The following PDE7B variants were observed in gnomAD, a reference collection of about 807,000 sequenced individuals.
PDE7B encodes the protein 3',5'-cyclic-AMP phosphodiesterase 7B.
A neutral mutation model predicts 56.2 loss-of-function variants in PDE7B; 29 were observed. The ratio of observed to expected loss-of-function variants is 0.52; its 90% CI spans 0.38 to 0.70. The LOEUF is 0.70. PDE7B is among the 30% of genes least tolerant of loss of function. The pLI, the probability that PDE7B is intolerant of heterozygous loss-of-function variation, is 0.00. For synonymous variants in PDE7B, 197 were observed against 196.9 expected (o/e 1.00, Z 0.00); for missense variants, 490 against 565.0 (o/e 0.87, Z 1.35).
intron 1 of PDE7B, among the ~76,000 whole-genome samples, chr6:135,857,923 A>G (rs1007208639): frequency 1.3e-5 from 2 of 152,244 alleles, no homozygotes; most frequent in East Asian, 3.9e-4. Context: ...CTTAACAAAC[A>G]ATGCCTTGGA....
chr6:136,075,654 T>C (rs2128214517), intron 2 of PDE7B, among the ~76,000 whole-genome samples: 1 of 152,240 alleles, frequency 6.6e-6, no homozygotes, highest in East Asian at 1.9e-4. Flanking sequence ...TACTGTTTCA[T>C]GGCCATCTCT....
At chr6:136,058,622 T>C (rs1465145163) in intron 2 of PDE7B, among the ~76,000 whole-genome samples, 1 of 152,224 alleles carries the variant, frequency 6.6e-6, no homozygotes, top group Admixed American at 6.5e-5. Context: ...TTTTAAGCAA[T>C]GGTAGATTCA....
At position 136,168,307 on chromosome 6, in the gene PDE7B, C is replaced by T. The variant is rs541049556; in HGVS notation, c.712-5490C>T. Among the ~76,000 whole-genome samples, 17 of 152,186 alleles carry T rather than the reference C, an allele frequency of 1.1e-4. No individual in the cohort carries two copies. In the South Asian group the frequency reaches 2.3e-3, roughly 20 times the overall value. ...TGGGACAATTTCATAAAGCATTGAA[C>T]GTCAAGCTAAGGAATTTGACTTAAT... On this transcript the variant is annotated intron_variant, in intron 8 of 12. Coordinates refer to ENST00000308191, the MANE Select transcript of PDE7B (RefSeq NM_018945.4).
At chr6:136,146,882 T>C (rs1583907562) in intron 3 of PDE7B, among the ~76,000 whole-genome samples, 1 of 152,270 alleles carries the variant, frequency 6.6e-6, no homozygotes, top group Non-Finnish European at 1.5e-5. Context: ...ATATAAGAAA[T>C]ACTAGTTAGG....
intron 2 of PDE7B, among the ~76,000 whole-genome samples, chr6:136,041,206 T>G (rs1227478712): frequency 2.6e-5 from 4 of 152,210 alleles, no homozygotes; most frequent in Non-Finnish European, 4.4e-5. Flanking sequence ...GTCCCAGTGT[T>G]TCTTTTCCTT....
intron 3 of PDE7B, among the ~76,000 whole-genome samples, chr6:136,145,834 C>G (rs1247775762): frequency 1.3e-5 from 2 of 152,132 alleles, no homozygotes; most frequent in African/African-American, 4.8e-5. Context: ...CTTTTCTCAT[C>G]TGTATCTATA....
intron 1 of PDE7B, among the ~76,000 whole-genome samples, chr6:135,871,772 TACAC>T (rs10576996): frequency 0.014 from 2,163 of 150,422 alleles, 25 homozygotes; most frequent in East Asian, 0.019. Context: ...GATAGGTGTA[TACAC>T]ACACACACAC....
At chr6:136,103,671 T>C (rs1260024641) in intron 2 of PDE7B, among the ~76,000 whole-genome samples, 2 of 152,212 alleles carry the variant, frequency 1.3e-5, no homozygotes, top group Non-Finnish European at 2.9e-5. Flanking sequence ...ATACCAGCAC[T>C]ATCTCATCTT....
chr6:135,890,702 T>C (rs1373819271), intron 1 of PDE7B, among the ~76,000 whole-genome samples: 1 of 152,158 alleles, frequency 6.6e-6, no homozygotes, highest in Non-Finnish European at 1.5e-5. Flanking sequence ...ACCTATTTTG[T>C]TGATGCAAGG....
At chr6:135,955,121 C>G (rs578150628) in intron 2 of PDE7B, among the ~76,000 whole-genome samples, 2 of 152,220 alleles carry the variant, frequency 1.3e-5, no homozygotes, top group South Asian at 4.1e-4. Context: ...GTTCAATCAA[C>G]AAACACTTCA....
chr6:135,991,280 C>T (rs1775474569), intron 2 of PDE7B, among the ~76,000 whole-genome samples: 1 of 152,114 alleles, frequency 6.6e-6, no homozygotes, highest in Admixed American at 6.5e-5. Flanking sequence ...TTTTCCCAGC[C>T]CCTACTCAAG....
At chr6:136,146,894 CG>C (rs1778421895) in intron 3 of PDE7B, among the ~76,000 whole-genome samples, 1 of 152,054 alleles carries the variant, frequency 6.6e-6, no homozygotes, top group Non-Finnish European at 1.5e-5. Context: ...CTAGTTAGGC[CG>C]GGTGCAGTGG....
intron 2 of PDE7B, among the ~76,000 whole-genome samples, chr6:136,022,924 A>C (rs9389361): frequency 0.29 from 44,528 of 151,954 alleles, 7,658 homozygotes; most frequent in Admixed American, 0.42. Flanking sequence ...CAATGTTTCT[A>C]TTAAGTCTTC....
chr6:135,930,662 G>T (rs961966476), intron 1 of PDE7B, among the ~76,000 whole-genome samples: 2 of 152,194 alleles, frequency 1.3e-5, no homozygotes, highest in African/African-American at 4.8e-5. Context: ...GGCAGGCAAT[G>T]AGAGAAAGGA....
chr6:135,949,338 G>T (rs1415793823), intron 2 of PDE7B, among the ~76,000 whole-genome samples: 2 of 151,996 alleles, frequency 1.3e-5, no homozygotes, highest in African/African-American at 4.8e-5. Context: ...ACTGCCTATA[G>T]ATTTGAATTC....
chr6:135,865,860 T>A (rs1469247440), intron 1 of PDE7B, among the ~76,000 whole-genome samples: 2 of 152,256 alleles, frequency 1.3e-5, no homozygotes, highest in East Asian at 3.9e-4. Context: ...GCTATTCATT[T>A]TTATCTATTA....
intron 1 of PDE7B, among the ~76,000 whole-genome samples, chr6:135,944,301 C>T (rs547684837): frequency 4.2e-4 from 64 of 152,202 alleles, no homozygotes; most frequent in African/African-American, 8.4e-4. Flanking sequence ...CAGTTAATCT[C>T]GTAAACTGGG....
chr6:135,974,785 GTCC>G (rs1775154619), intron 2 of PDE7B, among the ~76,000 whole-genome samples: 1 of 152,200 alleles, frequency 6.6e-6, no homozygotes, highest in African/African-American at 2.4e-5. Flanking sequence ...CAAATCTGGA[GTCC>G]TCCTGGTGTC....
At chr6:136,183,723 T>C (rs1038913898) in intron 11 of PDE7B, among the ~76,000 whole-genome samples, 3 of 152,180 alleles carry the variant, frequency 2.0e-5, no homozygotes, top group Non-Finnish European at 2.9e-5. Flanking sequence ...TTTTGATTTA[T>C]CTTTCAGTTT....
Sources: gnomAD v4.1 joint callset for allele counts (sites outside exome capture counted in the v4.1 genomes callset) on GRCh38, gnomAD v4.1.1 for gene constraint, MANE v1.5 for transcripts, NCBI Gene and HGNC (gene_info 2026-07-23, HGNC 2026-07-21) for gene names.